The following MTUS1 variants were observed in gnomAD, a reference collection of about 807,000 sequenced individuals.
MTUS1 encodes microtubule associated scaffold protein 1, also known as microtubule-associated tumor suppressor 1.
Under a neutral mutation model 120.8 loss-of-function variants are expected in MTUS1, and 109 were observed. That is an observed-to-expected ratio of 0.90 (90% confidence interval 0.77 to 1.06). The LOEUF is 1.06. MTUS1 is among the 50% of genes least tolerant of loss of function. The pLI is 0.00. For synonymous variants in MTUS1, 737 were observed against 550.5 expected (o/e 1.34, Z -4.74); for missense variants, 2,210 against 1,486.3 (o/e 1.49, Z -8.01).
Position 17,754,205 on chromosome 8 carries a change from G to A in MTUS1, c.1603C>T (p.Gln535Ter). The stretch of plus-strand genomic sequence containing the variant: ...GAGGGTGATGAGGCACTGGTCTGCT[G>A]AGGTCTGGGCGTGACCTTTGATAAA... ...AALSKVTPRP[Q>*]QTSASSPSSV... is the part of the protein sequence containing the mutation. The change falls in exon 2 of 15, where the codon CAG (glutamine) becomes TAG (stop). Residue 535 changes from glutamine to a stop codon, truncating the protein, a stop_gained. Transcript: ENST00000693296. LOFTEE classifies it high-confidence loss of function. 1 of 1,614,096 alleles carries A rather than the reference G, an allele frequency of 6.2e-7. No homozygotes were observed. Among genetic ancestry groups the A allele is most frequent in the Non-Finnish European group, 8.5e-7 (1 of 1,180,040 alleles).
intron 2 of MTUS1, among the ~76,000 whole-genome samples, chr8:17,746,619 C>T (rs1461420281): frequency 6.6e-6 from 1 of 152,242 alleles, no homozygotes; most frequent in Middle Eastern, 3.4e-3. Context: ...CCCCATGATG[C>T]AATTATCTCC....
intron 6 of MTUS1, among the ~76,000 whole-genome samples, chr8:17,709,688 T>C (rs1197768559): frequency 6.6e-6 from 1 of 152,100 alleles, no homozygotes. Flanking sequence ...TAGTCTAGTG[T>C]GCAACAGCAT....
At chr8:17,659,612 C>T (rs1329394964) in intron 8 of MTUS1, among the ~76,000 whole-genome samples, 1 of 152,112 alleles carries the variant, frequency 6.6e-6, no homozygotes, top group East Asian at 1.9e-4. Context: ...GCAGGAGAAT[C>T]GCTTGAACCC....
chr8:17,684,810 A>T (rs570406822), intron 6 of MTUS1, among the ~76,000 whole-genome samples: 16 of 152,320 alleles, frequency 1.1e-4, no homozygotes, highest in African/African-American at 3.4e-4. Flanking sequence ...GGCAACCCAG[A>T]AACACAAAAA....
chr8:17,800,621 AG>A (rs1183633330), intron 1 of MTUS1: 1 of 152,210 alleles, frequency 6.6e-6, no homozygotes, highest in Admixed American at 6.5e-5. Flanking sequence ...AGATTTTTCT[AG>A]AGCGTGAAAA....
rs535006470 is a variant in MTUS1 at position 17,680,420 on chromosome 8, C to T, written c.2838+3908G>A. On this transcript the variant is annotated intron_variant, in intron 7 of 14. Transcript: ENST00000693296. ...CGGAGGTTGCAGTGAGCTGAGATTGCGCCACTGCACTCCAGACTGGGTGAC... is the reference window on the plus strand; with the variant it reads ...CGGAGGTTGCAGTGAGCTGAGATTGTGCCACTGCACTCCAGACTGGGTGAC... 5.4e-5 allele frequency among the ~76,000 whole-genome samples: 7 copies of T among 129,130 alleles called. No individual in the cohort carries two copies. The South Asian group carries it at 7.9e-4, about 15-fold the overall frequency. 84.7% of individuals were successfully genotyped at this position (129,130 alleles called of 152,430 possible). A position where few individuals can be genotyped will look rare whatever the true frequency, so the allele number is the denominator to read the frequency against.
intron 8 of MTUS1, among the ~76,000 whole-genome samples, chr8:17,661,696 C>G (rs1423490273): frequency 6.8e-6 from 1 of 147,676 alleles, no homozygotes; most frequent in Non-Finnish European, 1.5e-5. Context: ...GAAGAGAGGA[C>G]ACATGGGAAG....
At chr8:17,798,160 T>C (rs913365108) in intron 1 of MTUS1, among the ~76,000 whole-genome samples, 1 of 152,136 alleles carries the variant, frequency 6.6e-6, no homozygotes, top group Non-Finnish European at 1.5e-5. Flanking sequence ...TGAAAAACAT[T>C]CAGTCTTAGG....
intron 6 of MTUS1, among the ~76,000 whole-genome samples, chr8:17,699,870 G>C (rs949323716): frequency 1.1e-4 from 16 of 152,030 alleles, no homozygotes; most frequent in Non-Finnish European, 1.9e-4. Context: ...TAAATAACTG[G>C]ATAAGCAATT....
At chr8:17,795,236 C>T (rs777858570) in intron 1 of MTUS1, among the ~76,000 whole-genome samples, 26 of 152,208 alleles carry the variant, frequency 1.7e-4, no homozygotes, top group Admixed American at 3.3e-4. Context: ...TACGCCTCTT[C>T]TTCCTAGTCT....
intron 8 of MTUS1, among the ~76,000 whole-genome samples, chr8:17,663,705 C>G (rs112842643): frequency 0.062 from 9,453 of 152,174 alleles, 494 homozygotes; most frequent in East Asian, 0.24. Context: ...AAGCGATTCT[C>G]CTGCCTCAGC....
In MTUS1 at chr8:17,645,819, A is replaced by T; in HGVS notation, c.*107T>A. ...GTGACGCTCCAGTTACCCTACGGTG[A>T]TCACACGTGTGCTGATATACCTCTT... On this transcript the variant is annotated 3_prime_UTR_variant, in exon 15 of 15. Transcript: ENST00000693296. The T allele has an allele frequency of 1.1e-5, 16 of 1,430,770 alleles. No individual in the cohort carries two copies. The highest frequency in any genetic ancestry group is 1.4e-5 in the Non-Finnish European group (15 of 1,078,106). The allele number at this position is 1,430,770 out of a possible 1,614,324, so 88.6% of individuals were successfully genotyped here.
intron 1 of MTUS1, among the ~76,000 whole-genome samples, chr8:17,766,612 T>C (rs1458108592): frequency 1.3e-5 from 2 of 152,236 alleles, no homozygotes; most frequent in East Asian, 1.9e-4. Context: ...ATGAAATTTG[T>C]AGAACGCATG....
At chr8:17,765,098 G>A (rs1040546341) in intron 1 of MTUS1, among the ~76,000 whole-genome samples, 19 of 152,226 alleles carry the variant, frequency 1.2e-4, no homozygotes, top group Admixed American at 3.3e-4. Context: ...TAAGTAGCTC[G>A]CAACCTAGAT....
intron 1 of MTUS1, among the ~76,000 whole-genome samples, chr8:17,794,727 T>A (rs1056486610): frequency 1.3e-5 from 2 of 152,174 alleles, no homozygotes; most frequent in Non-Finnish European, 2.9e-5. Flanking sequence ...TACAGTATAA[T>A]AAAAAATAAG....
chr8:17,735,458 C>T (rs2046861158), intron 3 of MTUS1, among the ~76,000 whole-genome samples: 1 of 152,202 alleles, frequency 6.6e-6, no homozygotes, highest in African/African-American at 2.4e-5. Context: ...TAGAACTAAT[C>T]AGCCTCTACC....
At chr8:17,783,695 C>T (rs1300981435) in intron 1 of MTUS1, among the ~76,000 whole-genome samples, 10 of 152,094 alleles carry the variant, frequency 6.6e-5, no homozygotes, top group African/African-American at 1.4e-4. Flanking sequence ...GGCCTGACAG[C>T]CTATTGGTGA....
intron 3 of MTUS1, among the ~76,000 whole-genome samples, chr8:17,726,024 C>A (rs1393154446): frequency 1.3e-5 from 2 of 152,186 alleles, no homozygotes; most frequent in African/African-American, 4.8e-5. Context: ...TACACACACA[C>A]CCCTTCGTGG....
chr8:17,782,141 C>A (rs556256610), intron 1 of MTUS1, among the ~76,000 whole-genome samples: 10 of 152,282 alleles, frequency 6.6e-5, no homozygotes, highest in Non-Finnish European at 1.3e-4. Context: ...AAATTTCAAA[C>A]AACTCAATGA....
Sources: gnomAD v4.1 joint callset for allele counts (sites outside exome capture counted in the v4.1 genomes callset) on GRCh38, gnomAD v4.1.1 for gene constraint, MANE v1.5 for transcripts, NCBI Gene and HGNC (gene_info 2026-07-23, HGNC 2026-07-21) for gene names.